The following CCDC138 variants were observed in gnomAD, a reference collection of about 807,000 sequenced individuals.
CCDC138 encodes coiled-coil domain-containing protein 138.
Under a neutral mutation model 82.3 loss-of-function variants are expected in CCDC138, and 66 were observed. The observed-to-expected ratio is 0.80, with a 90% CI of 0.66 to 0.98. The LOEUF (loss-of-function observed/expected upper bound fraction) is 0.98, where lower values mean the gene tolerates loss of function less well. CCDC138 is among the 50% of genes least tolerant of loss of function. The probability of loss-of-function intolerance (pLI) is 0.00; values close to 1 mark genes in which losing one functional copy is unlikely to be tolerated. For synonymous variants in CCDC138, 297 were observed against 265.4 expected, an observed-to-expected ratio of 1.12 and a Z score of -1.16; for missense variants, 816 against 758.9, an observed-to-expected ratio of 1.08 and a Z score of -0.88.
chr2:108,851,569 C>T (rs541804329), intron 12 of CCDC138, among the ~76,000 whole-genome samples: 40 of 152,260 alleles, frequency 2.6e-4, no homozygotes, highest in African/African-American at 8.2e-4. Flanking sequence ...CCCAAAAGTG[C>T]TGATATTACA....
chr2:108,817,387 G>A (rs984202554), intron 10 of CCDC138, among the ~76,000 whole-genome samples: 26 of 151,984 alleles, frequency 1.7e-4, no homozygotes, highest in African/African-American at 6.0e-4. Context: ...CCACCTCCCG[G>A]GTTCAAGTGA....
At chr2:108,854,127 T>C (rs1160136473) in intron 12 of CCDC138, among the ~76,000 whole-genome samples, 7 of 139,622 alleles carry the variant, frequency 5.0e-5, no homozygotes, top group Non-Finnish European at 1.1e-4. Context: ...TATATACATA[T>C]GTAGAAAATG....
chr2:108,866,095 C>A (rs115553284), intron 13 of CCDC138, among the ~76,000 whole-genome samples: 241 of 152,204 alleles, frequency 1.6e-3, no homozygotes, highest in Admixed American at 4.0e-3. Flanking sequence ...TGGTTTCACA[C>A]CTACTGGGAT....
At chr2:108,881,258 A>G (rs1328518836), downstream of CCDC138, among the ~76,000 whole-genome samples, 1 of 152,162 alleles carries the variant, frequency 6.6e-6, no homozygotes, top group Non-Finnish European at 1.5e-5. Flanking sequence ...TGTTATGGAG[A>G]TGATTTCTTT....
intron 10 of CCDC138, among the ~76,000 whole-genome samples, chr2:108,823,679 G>A (rs1686083485): frequency 6.6e-6 from 1 of 152,122 alleles, no homozygotes; most frequent in East Asian, 1.9e-4. Flanking sequence ...CAATATAACA[G>A]ATAAAAAAGG....
intron 13 of CCDC138, among the ~76,000 whole-genome samples, chr2:108,859,592 G>A (rs1297544534): frequency 6.6e-6 from 1 of 151,944 alleles, no homozygotes; most frequent in East Asian, 1.9e-4. Context: ...GATTTTCTTT[G>A]TTGAAAATCA....
At chr2:108,796,899 T>C (rs1302214152) in intron 5 of CCDC138, among the ~76,000 whole-genome samples, 2 of 152,206 alleles carry the variant, frequency 1.3e-5, no homozygotes, top group African/African-American at 4.8e-5. Flanking sequence ...TTTCAGTATT[T>C]ACTAGTACAA....
At chr2:108,840,938 A>G (rs1574163920) in intron 11 of CCDC138, among the ~76,000 whole-genome samples, 1 of 151,882 alleles carries the variant, frequency 6.6e-6, no homozygotes, top group South Asian at 2.1e-4. Flanking sequence ...CAGCCTCCCA[A>G]GTAGCTGGGA....
At chr2:108,821,887 C>G (rs926785620) in intron 10 of CCDC138, among the ~76,000 whole-genome samples, 2 of 146,224 alleles carry the variant, frequency 1.4e-5, no homozygotes, top group Non-Finnish European at 3.0e-5. Context: ...GAGATTGTGC[C>G]ACTGCGCTCC....
chr2:108,788,289 G>A (rs918576221), intron 2 of CCDC138, among the ~76,000 whole-genome samples, 200 bp downstream of exon 2: 47 of 151,938 alleles, frequency 3.1e-4, no homozygotes, highest in Admixed American at 3.0e-3. Context: ...GCATGGTGGC[G>A]GGCGCCTGTA....
At chr2:108,809,218 G>GT (rs1161221540) in intron 7 of CCDC138, among the ~76,000 whole-genome samples, 1 of 152,170 alleles carries the variant, frequency 6.6e-6, no homozygotes, top group African/African-American at 2.4e-5. Context: ...GGTTACTACA[G>GT]TTTTGTAGTA....
At chr2:108,820,876 G>A (rs113164083) in intron 10 of CCDC138, among the ~76,000 whole-genome samples, 153 of 152,170 alleles carry the variant, frequency 1.0e-3, no homozygotes, top group African/African-American at 3.5e-3. Flanking sequence ...ACACTACACA[G>A]CAACATGAAG....
chr2:108,834,204 C>A (rs1458087179), intron 10 of CCDC138, among the ~76,000 whole-genome samples: 2 of 146,306 alleles, frequency 1.4e-5, no homozygotes, highest in Non-Finnish European at 2.9e-5. Flanking sequence ...TTACATATTT[C>A]ATCTTTGAAA....
intron 13 of CCDC138, among the ~76,000 whole-genome samples, chr2:108,863,869 G>T (rs1693999323): frequency 6.6e-6 from 1 of 152,160 alleles, no homozygotes; most frequent in Non-Finnish European, 1.5e-5. Context: ...CTACTTAATA[G>T]TCAATTAATG....
chr2:108,800,266 G>C (rs1397201423), intron 6 of CCDC138, among the ~76,000 whole-genome samples: 4 of 151,820 alleles, frequency 2.6e-5, no homozygotes, highest in East Asian at 3.9e-4. Flanking sequence ...CACTTTTTTT[G>C]TTGTTGTTGT....
chr2:108,873,867 G>T (rs554880248), intron 14 of CCDC138, among the ~76,000 whole-genome samples: 1 of 152,218 alleles, frequency 6.6e-6, no homozygotes, highest in South Asian at 2.1e-4. Flanking sequence ...GGACAAGCTT[G>T]ATTTAGACCT....
At chr2:108,885,262 A>C (rs1574355574) in exon 3 of CCDC138, 1 of 152,188 alleles carries the variant, frequency 6.6e-6, no homozygotes, top group East Asian at 1.9e-4. Context: ...GGGCCAGTGC[A>C]GTTTTCTTGC....
At chr2:108,805,170 C>A (rs1009071904) in intron 7 of CCDC138, among the ~76,000 whole-genome samples, 162 bp downstream of exon 7, 4 of 151,990 alleles carry the variant, frequency 2.6e-5, no homozygotes, top group Admixed American at 6.6e-5. Flanking sequence ...ATAAAGTATT[C>A]TTTAGCTCTT....
rs1689996657 is a variant in CCDC138, at chr2:108,843,899, T to C, written c.1324-2839T>C. On this transcript the variant is annotated intron_variant, in intron 11 of 14. Coordinates refer to ENST00000295124, the MANE Select transcript of CCDC138 (RefSeq NM_144978.3). ...GTGTGTTTCTTTCTTTTTTTTTTTT[T>C]TTTTTTTTTGAGACAGGGTCTTGCT... 1.4e-5 allele frequency among the ~76,000 whole-genome samples: 2 copies of C among 144,732 alleles called. 1 individual carries two copies. 94.9% of individuals were successfully genotyped at this position (144,732 alleles called of 152,430 possible).
Sources: gnomAD v4.1 joint callset for allele counts (sites outside exome capture counted in the v4.1 genomes callset) on GRCh38, gnomAD v4.1.1 for gene constraint, MANE v1.5 for transcripts, NCBI Gene and HGNC (gene_info 2026-07-23, HGNC 2026-07-21) for gene names.